The following LINS1 variants were observed in gnomAD, a reference collection of about 807,000 sequenced individuals.
The protein encoded by LINS1 is protein Lines homolog 1.
In LINS1, 27 loss-of-function variants were observed where a neutral mutation model predicts 41.6. That is an observed-to-expected ratio of 0.65 (90% CI 0.48 to 0.89). The LOEUF (loss-of-function observed/expected upper bound fraction) is 0.89. LINS1 is among the 40% of genes least tolerant of loss of function. The pLI is 0.00. For synonymous variants in LINS1, 336 were observed against 312.9 expected (o/e 1.07, Z -0.78); for missense variants, 955 against 884.1 (o/e 1.08, Z -1.02).
At position 100,585,889 on chromosome 15, in the gene LINS1, C is replaced by A. The variant is rs148069931; in HGVS notation, c.-103-4944G>T. The stretch of plus-strand genomic sequence containing the variant: ...AGAACCGTCAGCATACATTTTTTGT[C>A]TGGTTTTATGTTTGTCTTTGCTAGA... On this transcript the variant is annotated intron_variant, in intron 1 of 6. Coordinates refer to ENST00000314742, the MANE Select transcript of LINS1 (RefSeq NM_001040616.3). Among the ~76,000 whole-genome samples, 728 of 152,218 alleles carry A rather than the reference C, an allele frequency of 4.8e-3. 7 individuals are homozygous for A. Among genetic ancestry groups the A allele is most frequent in the African/African-American group, 0.017 (694 of 41,528 alleles).
At chr15:100,577,876 T>C (rs1351354969) in intron 3 of LINS1, among the ~76,000 whole-genome samples, 2 of 152,174 alleles carry the variant, frequency 1.3e-5, no homozygotes, top group Non-Finnish European at 2.9e-5. Flanking sequence ...GCCACACATC[T>C]ACAACCATCT....
At chr15:100,600,471 C>T (rs2039428889) in intron 1 of LINS1, among the ~76,000 whole-genome samples, 1 of 140,316 alleles carries the variant, frequency 7.1e-6, no homozygotes, top group South Asian at 2.3e-4. Flanking sequence ...AAAACAATGG[C>T]TTCCTATACA....
At chr15:100,571,752 A>G in intron 6 of LINS1, 142 bp downstream of exon 6, 1 of 976,862 alleles carries the variant, frequency 1.0e-6, no homozygotes, top group Non-Finnish European at 1.5e-6. Context: ...TTTTCATGTA[A>G]GTCAGGGTTA....
intron 1 of LINS1, among the ~76,000 whole-genome samples, chr15:100,588,293 T>A (rs948848193): frequency 6.6e-6 from 1 of 152,236 alleles, no homozygotes; most frequent in African/African-American, 2.4e-5. Flanking sequence ...GTACTTTCTC[T>A]TTTCACAATG....
At position 100,580,548 on chromosome 15, in the gene LINS1, T is replaced by A. The variant is rs775668057; in HGVS notation, c.295A>T (p.Met99Leu). The A allele has an allele frequency of 4.3e-6, 7 of 1,614,082 alleles. No homozygotes were observed. The highest frequency in any genetic ancestry group is 5.1e-6 in the Non-Finnish European group (6 of 1,179,970). ...TTGACAGACAATATCCGGGTTGTCA[T>A]CACTTTGATCACTGTTAACTGAAGG... ...MLLQLTVIKVMTTRILSVKTE... is the reference protein window; with the variant it reads ...MLLQLTVIKVLTTRILSVKTE... Residue 99 changes from methionine to leucine, a missense_variant, in exon 2 of 7, where the codon ATG becomes TTG. Transcript: ENST00000314742.
At chr15:100,571,814 C>A in intron 6 of LINS1, 80 bp downstream of exon 6, 1 of 1,521,248 alleles carries the variant, frequency 6.6e-7, no homozygotes, top group Non-Finnish European at 9.1e-7. Flanking sequence ...AAGTAAGCAA[C>A]ACGCCCAGCA....
chr15:100,580,578 T>A lies in LINS1; in HGVS notation c.265A>T (p.Met89Leu), dbSNP rs747048880. The change falls in exon 2 of 7, where the codon ATG (methionine) becomes TTG (leucine). Residue 89 changes from methionine to leucine, a missense_variant. Physicochemically the swap from Met to Leu is conservative, Grantham distance 15. Transcript: ENST00000314742. ...NSQMSGSREV[M>L]LLQLTVIKVM... ...TTGATCACTGTTAACTGAAGGAGCA[T>A]TACTTCTCTGGAACCGCTCATCTGA... is the stretch of plus-strand genomic sequence containing the variant. 6.2e-7 allele frequency: 1 copy of A among 1,613,936 alleles called. No individual in the cohort carries two copies. The highest frequency in any genetic ancestry group is 1.3e-5 in the African/African-American group (1 of 74,918).
At position 100,572,885 on chromosome 15, in the gene LINS1, A is replaced by G. The variant is rs540300990; in HGVS notation, c.1222+766T>C. On this transcript the variant is annotated intron_variant, in intron 5 of 6. Transcript: ENST00000314742. ...AATTTTCAATAATCTACATTAGTGGAAACACTAATTGTATGAAGGATTAAT... is the reference window on the plus strand; with the variant it reads ...AATTTTCAATAATCTACATTAGTGGGAACACTAATTGTATGAAGGATTAAT... 32 of 712,826 alleles carry G rather than the reference A, an allele frequency of 4.5e-5. No individual in the cohort carries two copies. In the East Asian group the frequency reaches 3.0e-3, roughly 66 times the overall value. 44.2% of individuals were successfully genotyped at this position (712,826 alleles called of 1,614,324 possible).
intron 1 of LINS1, among the ~76,000 whole-genome samples, chr15:100,590,848 T>C (rs929404952): frequency 6.6e-6 from 1 of 152,178 alleles, no homozygotes; most frequent in African/African-American, 2.4e-5. Context: ...GGAAGAAGCA[T>C]ACTCCAAACT....
intron 1 of LINS1, among the ~76,000 whole-genome samples, chr15:100,591,122 A>G (rs1189039690): frequency 1.3e-5 from 2 of 152,196 alleles, no homozygotes; most frequent in Non-Finnish European, 2.9e-5. Flanking sequence ...GGTTGCAGTG[A>G]GCCAAGATCA....
chr15:100,569,061 T>G lies in LINS1; in HGVS notation c.*177A>C, dbSNP rs576308755. 1.2e-3 allele frequency: 568 copies of G among 473,856 alleles called. 13 individuals are homozygous for G. The South Asian group carries it at 0.013, about 11-fold the overall frequency. 29.4% of individuals were successfully genotyped at this position (473,856 alleles called of 1,614,324 possible). ...ATTGCTTGAACCCAGGAGGTGGAGG[T>G]TGCAGTGAGTCGAGTCACGCCACTG... On this transcript the variant is annotated 3_prime_UTR_variant, in exon 7 of 7. Coordinates refer to ENST00000314742, the MANE Select transcript of LINS1 (RefSeq NM_001040616.3).
At chr15:100,597,095 G>A (rs1263999204) in intron 1 of LINS1, among the ~76,000 whole-genome samples, 1 of 152,068 alleles carries the variant, frequency 6.6e-6, no homozygotes, top group African/African-American at 2.4e-5. Context: ...GCACATCCAG[G>A]CTCCTCTTTT....
At position 100,580,439 on chromosome 15, in the gene LINS1, C is replaced by T; in HGVS notation, c.399+5G>A. ...TCTACATCTTTAGAAAAACAAATGG[C>T]TTACTAATTTAGAATCGACTTTGGC... On this transcript the variant is annotated splice_donor_5th_base_variant and intron_variant, in intron 2 of 6. Coordinates refer to ENST00000314742, the MANE Select transcript of LINS1 (RefSeq NM_001040616.3). 6.2e-7 allele frequency: 1 copy of T among 1,612,978 alleles called. No individual in the cohort carries two copies. Among genetic ancestry groups the T allele is most frequent in the Non-Finnish European group, 8.5e-7 (1 of 1,179,100 alleles).
intron 4 of LINS1, among the ~76,000 whole-genome samples, 166 bp from the exon 5 acceptor site, chr15:100,574,407 C>T (rs1252519447): frequency 3.3e-5 from 5 of 152,178 alleles, no homozygotes; most frequent in South Asian, 2.1e-4. Flanking sequence ...GTAAGAACCA[C>T]GGTTAAAATT....
At chr15:100,572,812 T>C (rs1376466620) in intron 5 of LINS1, 1 of 932,414 alleles carries the variant, frequency 1.1e-6, no homozygotes, top group East Asian at 1.1e-4. Flanking sequence ...TATGTAACAA[T>C]TTCTTTGTCA....
At chr15:100,579,233 C>G (rs2038381793) in intron 3 of LINS1, among the ~76,000 whole-genome samples, 1 of 149,934 alleles carries the variant, frequency 6.7e-6, no homozygotes, top group Admixed American at 6.7e-5. Flanking sequence ...GTGATAACCA[C>G]AAAAAAACCA....
chr15:100,587,895 T>C (rs1162591865), intron 1 of LINS1, among the ~76,000 whole-genome samples: 1 of 152,226 alleles, frequency 6.6e-6, no homozygotes, highest in Admixed American at 6.5e-5. Flanking sequence ...TTCATGGGAA[T>C]GTGTTTGTTT....
Position 100,574,169 on chromosome 15 carries a change from T to C in LINS1, c.704A>G (p.His235Arg), listed in dbSNP as rs374075805. 126 of 1,613,832 alleles carry C rather than the reference T, an allele frequency of 7.8e-5. 3 individuals carry two copies. In the South Asian group the frequency reaches 8.5e-4, roughly 11 times the overall value. The change falls in exon 5 of 7, where the codon CAT (histidine) becomes CGT (arginine). Residue 235 changes from histidine (H) to arginine (R), a missense_variant. Transcript: ENST00000314742. ...EVFYNSLFSQ[H>R]FENCRDTSKI... ...AGAAGTATCCCGGCAGTTTTCAAAA[T>C]GCTGAGAGAATAAGGAATTGTAAAA...
chr15:100,584,315 T>C (rs954406276), intron 1 of LINS1, among the ~76,000 whole-genome samples: 1 of 152,210 alleles, frequency 6.6e-6, no homozygotes, highest in African/African-American at 2.4e-5. Flanking sequence ...ACTAAGTCCT[T>C]AAATTTTACC....
Sources: allele counts gnomAD v4.1 joint callset (sites outside exome capture counted in the v4.1 genomes callset), GRCh38; gene constraint gnomAD v4.1.1; transcripts MANE v1.5; gene names NCBI Gene and HGNC (gene_info 2026-07-23, HGNC 2026-07-21).